Variants in KCTD8 observed in about 807,000 individuals in gnomAD.
KCTD8 encodes potassium channel tetramerization domain containing 8.
Under a neutral mutation model 31.5 loss-of-function variants are expected in KCTD8, and 27 were observed. The observed-to-expected ratio is 0.86, with a 90% CI of 0.63 to 1.18. The LOEUF (loss-of-function observed/expected upper bound fraction) is 1.18. Among genes scored for constraint, KCTD8 ranks in the 50% most tolerant of loss-of-function variants. KCTD8 has a pLI of 0.00. For missense variants in KCTD8, 658 were observed against 647.7 expected (o/e 1.02, Z -0.17); for synonymous variants, 290 against 280.0 (o/e 1.04, Z -0.36).
chr4:44,356,394 C>T (rs1371300399), intron 1 of KCTD8, among the ~76,000 whole-genome samples: 1 of 152,140 alleles, frequency 6.6e-6, no homozygotes, highest in Non-Finnish European at 1.5e-5. Flanking sequence ...GACAGTTATT[C>T]AAGGAGAATT....
chr4:44,389,738 A>G (rs1720318627), intron 1 of KCTD8, among the ~76,000 whole-genome samples: 1 of 151,934 alleles, frequency 6.6e-6, no homozygotes, highest in Admixed American at 6.6e-5. Context: ...GGTAAATTTT[A>G]TGTGTATTTT....
intron 1 of KCTD8, among the ~76,000 whole-genome samples, chr4:44,301,609 G>A (rs1717625891): frequency 6.6e-6 from 1 of 152,060 alleles, no homozygotes; most frequent in African/African-American, 2.4e-5. Context: ...TGTAGATTCT[G>A]GATATTAGCC....
intron 1 of KCTD8, among the ~76,000 whole-genome samples, chr4:44,309,060 G>C (rs1315378019): frequency 6.6e-6 from 1 of 152,072 alleles, no homozygotes; most frequent in Non-Finnish European, 1.5e-5. Context: ...ATTTAAAACA[G>C]AGTCTCACTT....
intron 1 of KCTD8, chr4:44,293,756 G>T: frequency 2.3e-6 from 1 of 442,944 alleles, no homozygotes; most frequent in Non-Finnish European, 4.5e-6. Context: ...TGAAAATATT[G>T]AAACATAGCC....
At chr4:44,376,149 AT>A (rs896414542) in intron 1 of KCTD8, among the ~76,000 whole-genome samples, 2 of 152,108 alleles carry the variant, frequency 1.3e-5, no homozygotes, top group Non-Finnish European at 2.9e-5. Context: ...AAATCCAGTT[AT>A]TTTGTGGACC....
intron 1 of KCTD8, among the ~76,000 whole-genome samples, chr4:44,404,238 T>G (rs1417880402): frequency 1.3e-5 from 2 of 152,252 alleles, no homozygotes; most frequent in East Asian, 1.9e-4. Flanking sequence ...GCCAGCTTTT[T>G]AAGTTCAAGA....
intron 1 of KCTD8, among the ~76,000 whole-genome samples, chr4:44,260,379 G>A (rs1432038526): frequency 6.6e-6 from 1 of 151,742 alleles, no homozygotes; most frequent in Non-Finnish European, 1.5e-5. Context: ...GCTTTCAAGG[G>A]ATTTACCTTC....
chr4:44,369,662 T>C (rs1300406518), intron 1 of KCTD8, among the ~76,000 whole-genome samples: 2 of 152,080 alleles, frequency 1.3e-5, no homozygotes, highest in Non-Finnish European at 2.9e-5. Context: ...CCAGGCATGG[T>C]GGCACATGCT....
At chr4:44,325,810 C>T (rs530078425) in intron 1 of KCTD8, among the ~76,000 whole-genome samples, 1 of 151,880 alleles carries the variant, frequency 6.6e-6, no homozygotes, top group Non-Finnish European at 1.5e-5. Flanking sequence ...GTATCCCTAT[C>T]TCCTTAATTC....
chr4:44,227,969 C>G (rs1450045539), intron 1 of KCTD8, among the ~76,000 whole-genome samples: 1 of 152,158 alleles, frequency 6.6e-6, no homozygotes, highest in African/African-American at 2.4e-5. Context: ...CCTCTTAAAG[C>G]ATAAATCACA....
In KCTD8 at chr4:44,216,196, T is replaced by A. The variant is rs189686696; in HGVS notation, c.962-40946A>T. Among the ~76,000 whole-genome samples, 4 of 152,262 alleles carry A rather than the reference T, an allele frequency of 2.6e-5. No individual in the cohort carries two copies. In the East Asian group the frequency reaches 7.7e-4, roughly 29 times the overall value. On this transcript the variant is annotated intron_variant, in intron 1 of 1. Transcript: ENST00000360029. ...TATAAACATCTTAGAATTTCAAAAT[T>A]TAGTTTTCTAATTCCCATTCGCTGA...
intron 1 of KCTD8, among the ~76,000 whole-genome samples, chr4:44,246,088 T>A (rs1416418592): frequency 6.6e-6 from 1 of 152,076 alleles, no homozygotes; most frequent in East Asian, 1.9e-4. Context: ...GATTCCAATA[T>A]GTAAAGATGT....
At chr4:44,233,725 A>T (rs1715191444) in intron 1 of KCTD8, among the ~76,000 whole-genome samples, 2 of 152,226 alleles carry the variant, frequency 1.3e-5, no homozygotes, top group Admixed American at 1.3e-4. Context: ...ATTTACCACA[A>T]GAATTCTATT....
At chr4:44,253,715 A>C (rs1392751784) in intron 1 of KCTD8, among the ~76,000 whole-genome samples, 1 of 151,876 alleles carries the variant, frequency 6.6e-6, no homozygotes, top group South Asian at 2.1e-4. Context: ...CTGTCCTCTG[A>C]TCGCAGACAT....
chr4:44,193,804 T>A (rs1405369632), intron 1 of KCTD8, among the ~76,000 whole-genome samples: 1 of 152,156 alleles, frequency 6.6e-6, no homozygotes, highest in African/African-American at 2.4e-5. Flanking sequence ...CACTGTTAGG[T>A]TGCAATATCC....
At chr4:44,363,688 A>G (rs1352172229) in intron 1 of KCTD8, among the ~76,000 whole-genome samples, 2 of 151,912 alleles carry the variant, frequency 1.3e-5, no homozygotes, top group Non-Finnish European at 2.9e-5. Context: ...TAGACAAAAG[A>G]CTCCTGGTAT....
intron 1 of KCTD8, among the ~76,000 whole-genome samples, chr4:44,271,547 A>G (rs566727002): frequency 8.4e-4 from 127 of 152,068 alleles, no homozygotes; most frequent in Non-Finnish European, 1.3e-3. Flanking sequence ...CAGCATTGTG[A>G]CATGTTTGTG....
chr4:44,297,674 A>C (rs1485393697), intron 1 of KCTD8, among the ~76,000 whole-genome samples: 1 of 152,144 alleles, frequency 6.6e-6, no homozygotes, highest in African/African-American at 2.4e-5. Context: ...TCCCAAGGCA[A>C]AGCATTTCAA....
chr4:44,267,109 C>A (rs1716402633), intron 1 of KCTD8, among the ~76,000 whole-genome samples: 1 of 152,044 alleles, frequency 6.6e-6, no homozygotes, highest in Non-Finnish European at 1.5e-5. Context: ...CAGCACCACA[C>A]CACACCTATT....
Sources: allele counts gnomAD v4.1 joint callset (sites outside exome capture counted in the v4.1 genomes callset), GRCh38; gene constraint gnomAD v4.1.1; transcripts MANE v1.5; gene names NCBI Gene and HGNC (gene_info 2026-07-23, HGNC 2026-07-21).